Variants in WWC2 observed in about 807,000 individuals in gnomAD.
WWC2 encodes the protein protein WWC2.
WWC2 carries 101 observed loss-of-function variants against 138.5 expected under a neutral mutation model. The observed-to-expected ratio is 0.73, with a 90% confidence interval of 0.62 to 0.86. The LOEUF is 0.86. Ranked by LOEUF, WWC2 falls within the 40% of genes least tolerant of loss-of-function variation. The pLI, the probability that WWC2 is intolerant of heterozygous loss-of-function variation, is 0.00. For missense variants in WWC2, 1,420 were observed against 1,419.4 expected, an observed-to-expected ratio of 1.00 and a Z score of -0.01; for synonymous variants, 558 against 538.4, an observed-to-expected ratio of 1.04 and a Z score of -0.50.
At chr4:183,186,609 A>G (rs1376015382) in intron 1 of WWC2, among the ~76,000 whole-genome samples, 1 of 152,156 alleles carries the variant, frequency 6.6e-6, no homozygotes, top group Non-Finnish European at 1.5e-5. Context: ...TAAATATCAG[A>G]TAATGAGAGA....
intron 1 of WWC2, among the ~76,000 whole-genome samples, chr4:183,189,263 C>T (rs190707454): frequency 7.1e-4 from 107 of 151,482 alleles, no homozygotes; most frequent in African/African-American, 2.2e-3. Context: ...GGTGAAACCC[C>T]GTCTCTACTA....
chr4:183,110,615 C>A (rs1451494341), intron 1 of WWC2, among the ~76,000 whole-genome samples: 1 of 152,034 alleles, frequency 6.6e-6, no homozygotes, highest in Admixed American at 6.6e-5. Context: ...ACAATAGTTC[C>A]AATAGAGCAT....
chr4:183,280,229 G>GTTTTTTTTTTTTTTTTTTTTTT (rs869235261), intron 16 of WWC2, among the ~76,000 whole-genome samples: 18 of 65,456 alleles, frequency 2.7e-4, no homozygotes, highest in East Asian at 1.7e-3. Flanking sequence ...GATAGCAGCT[G>GTTTTTTTTTTTTTTTTTTTTTT]TTTTTTTTTT....
intron 1 of WWC2, among the ~76,000 whole-genome samples, chr4:183,149,072 T>A (rs113077388): frequency 4.6e-5 from 7 of 152,108 alleles, no homozygotes; most frequent in East Asian, 1.9e-4. Context: ...GTCTTTTTTT[T>A]ATTGTAAAAA....
At chr4:183,099,697 G>C (rs974833978) in intron 1 of WWC2, 75 bp downstream of exon 1, 1 of 1,160,998 alleles carries the variant, frequency 8.6e-7, no homozygotes, top group African/African-American at 1.6e-5. Context: ...CCGCGCGGGG[G>C]GCTGGGGCGG....
intron 21 of WWC2, among the ~76,000 whole-genome samples, chr4:183,303,726 A>G (rs1198355124): frequency 6.6e-6 from 1 of 152,222 alleles, no homozygotes; most frequent in African/African-American, 2.4e-5. Flanking sequence ...GTATTTTACA[A>G]TATTAGGTGT....
At chr4:183,167,353 G>T (rs868713821) in intron 1 of WWC2, among the ~76,000 whole-genome samples, 2 of 152,108 alleles carry the variant, frequency 1.3e-5, no homozygotes, top group East Asian at 1.9e-4. Context: ...CACATAGCTC[G>T]AATACATGCA....
intron 1 of WWC2, among the ~76,000 whole-genome samples, chr4:183,161,212 T>C (rs1416440297): frequency 6.6e-6 from 1 of 152,192 alleles, no homozygotes; most frequent in Non-Finnish European, 1.5e-5. Flanking sequence ...ATGTTGCAAG[T>C]CACCCCAGTT....
intron 4 of WWC2, among the ~76,000 whole-genome samples, chr4:183,234,816 G>A (rs527634909): frequency 6.6e-6 from 1 of 152,210 alleles, no homozygotes; most frequent in South Asian, 2.1e-4. Context: ...TCCTAGTAGA[G>A]TCTACATTGT....
At chr4:183,263,871 A>G (rs759978686) in intron 11 of WWC2, among the ~76,000 whole-genome samples, 1 of 152,170 alleles carries the variant, frequency 6.6e-6, no homozygotes, top group Non-Finnish European at 1.5e-5. Context: ...CATCTCCCTC[A>G]GTGCTCTAGA....
intron 1 of WWC2, among the ~76,000 whole-genome samples, chr4:183,151,174 A>G (rs1733626457): frequency 1.3e-5 from 2 of 152,272 alleles, no homozygotes; most frequent in Admixed American, 1.3e-4. Context: ...AAGCATTCCT[A>G]TTTCTCCACA....
At chr4:183,105,270 A>G (rs528911698) in intron 1 of WWC2, among the ~76,000 whole-genome samples, 5 of 152,330 alleles carry the variant, frequency 3.3e-5, no homozygotes, top group African/African-American at 9.6e-5. Context: ...GTGGCCTTCA[A>G]CAAGTTGGTA....
At chr4:183,172,071 A>G (rs933499237) in intron 1 of WWC2, among the ~76,000 whole-genome samples, 18 of 152,134 alleles carry the variant, frequency 1.2e-4, no homozygotes, top group Admixed American at 9.2e-4. Context: ...CCATTGGCTT[A>G]CTTCTCTATA....
At chr4:183,120,892 G>T (rs904820173) in intron 1 of WWC2, among the ~76,000 whole-genome samples, 1 of 152,178 alleles carries the variant, frequency 6.6e-6, no homozygotes, top group African/African-American at 2.4e-5. Flanking sequence ...GGGCTCACAG[G>T]CATGAGCCAC....
chr4:183,150,313 A>G (rs1389567851), intron 1 of WWC2, among the ~76,000 whole-genome samples: 2 of 152,198 alleles, frequency 1.3e-5, no homozygotes, highest in Admixed American at 6.5e-5. Flanking sequence ...AGAGATTTCA[A>G]TAGGTGAAGA....
chr4:183,100,849 G>GCCT (rs1305886448), intron 1 of WWC2, among the ~76,000 whole-genome samples: 2 of 152,344 alleles, frequency 1.3e-5, no homozygotes, highest in South Asian at 4.1e-4. Context: ...ATGAGAAAAG[G>GCCT]CACCTGTGCT....
chr4:183,256,432 A>C (rs1459135966), intron 9 of WWC2, among the ~76,000 whole-genome samples: 4 of 151,926 alleles, frequency 2.6e-5, no homozygotes, highest in African/African-American at 9.7e-5. Context: ...TTTGCTTTCT[A>C]TTCCCCCATG....
chr4:183,289,789 C>CTTT (rs376418534), intron 21 of WWC2, among the ~76,000 whole-genome samples, 154 bp downstream of exon 21: 1 of 140,478 alleles, frequency 7.1e-6, no homozygotes, highest in Admixed American at 7.1e-5. Flanking sequence ...GTTATAGGCC[C>CTTT]TTTTTTTTTT....
chr4:183,295,190 C>T (rs1738594850), intron 21 of WWC2, among the ~76,000 whole-genome samples: 1 of 152,224 alleles, frequency 6.6e-6, no homozygotes, highest in Non-Finnish European at 1.5e-5. Context: ...TATGCTCCTT[C>T]AGCCTGGAGT....
Sources: allele counts gnomAD v4.1 joint callset (sites outside exome capture counted in the v4.1 genomes callset), GRCh38; gene constraint gnomAD v4.1.1; transcripts MANE v1.5; gene names NCBI Gene and HGNC (gene_info 2026-07-23, HGNC 2026-07-21).